ASIC2: variants seen among roughly 807,000 people sequenced by gnomAD.
The protein encoded by ASIC2 is acid-sensing ion channel 2.
ASIC2 carries 25 observed loss-of-function variants against 57.3 expected under a neutral mutation model. The observed-to-expected ratio is 0.44, with a 90% CI of 0.32 to 0.61. The LOEUF is 0.61. Among genes scored for constraint, ASIC2 ranks in the 20% least tolerant of loss-of-function variants. ASIC2 has a pLI of 0.06. For synonymous variants in ASIC2, 319 were observed against 307.5 expected, an observed-to-expected ratio of 1.04 and a Z score of -0.39; for missense variants, 641 against 738.1, an observed-to-expected ratio of 0.87 and a Z score of 1.52.
At chr17:33,880,057 T>C (rs1051583279) in intron 1 of ASIC2, among the ~76,000 whole-genome samples, 27 of 152,112 alleles carry the variant, frequency 1.8e-4, no homozygotes, top group African/African-American at 5.8e-4. Flanking sequence ...TTGAAACCAA[T>C]GAGAACAAAG....
chr17:33,699,169 C>T (rs559519645), intron 1 of ASIC2, among the ~76,000 whole-genome samples: 1 of 152,176 alleles, frequency 6.6e-6, no homozygotes, highest in Non-Finnish European at 1.5e-5. Context: ...CACTGGTTCT[C>T]TCCTCACAAG....
In ASIC2 at chr17:33,135,138, T is replaced by G. The variant is rs183236973; in HGVS notation, c.709-23071A>C. Among the ~76,000 whole-genome samples the G allele has an allele frequency of 1.2e-4, 18 of 152,242 alleles. No homozygotes were observed. The East Asian group carries it at 3.3e-3, about 28-fold the overall frequency. ...TTTCTGACTTCCAGGATGAAGTTCA[T>G]TCCGCTTAGCCCTGCTGCCCTCATG... On this transcript the variant is annotated intron_variant, in intron 1 of 9. Transcript: ENST00000225823.
chr17:34,095,670 T>C (rs374527732), intron 1 of ASIC2, among the ~76,000 whole-genome samples: 1 of 92,798 alleles, frequency 1.1e-5, no homozygotes, highest in East Asian at 2.5e-4. Context: ...TATATATATA[T>C]AGAGAGAGAG....
intron 3 of ASIC2, among the ~76,000 whole-genome samples, chr17:33,067,468 G>T (rs897077696): frequency 2.6e-5 from 4 of 152,154 alleles, no homozygotes; most frequent in African/African-American, 9.7e-5. Flanking sequence ...TAAAAGGGCA[G>T]GCAAGGTTCA....
At chr17:33,434,849 T>C (rs1911552642) in intron 1 of ASIC2, among the ~76,000 whole-genome samples, 1 of 152,230 alleles carries the variant, frequency 6.6e-6, no homozygotes, top group Admixed American at 6.5e-5. Context: ...AATGTAGATA[T>C]AATACAACTA....
intron 1 of ASIC2, chr17:33,541,199 T>C (rs1915398843): frequency 6.6e-6 from 1 of 152,186 alleles, no homozygotes; most frequent in South Asian, 2.1e-4. Context: ...CCAACATTGT[T>C]AGAGCTTGTA....
chr17:34,076,984 G>A (rs184508388), intron 1 of ASIC2, among the ~76,000 whole-genome samples: 30 of 152,266 alleles, frequency 2.0e-4, no homozygotes, highest in African/African-American at 6.5e-4. Flanking sequence ...CATTTCTCAC[G>A]GGCTGTCTCA....
chr17:33,328,171 T>G (rs1276155772), intron 1 of ASIC2, among the ~76,000 whole-genome samples: 2 of 152,116 alleles, frequency 1.3e-5, no homozygotes, highest in Admixed American at 1.3e-4. Flanking sequence ...AAATAAGTGC[T>G]GATGGTGACT....
intron 1 of ASIC2, among the ~76,000 whole-genome samples, chr17:33,797,390 C>G (rs576665383): frequency 6.6e-6 from 1 of 152,206 alleles, no homozygotes; most frequent in Admixed American, 6.5e-5. Context: ...CTTGGCGGCA[C>G]TGTGAGAATG....
chr17:33,210,460 T>C (rs2142087204), intron 1 of ASIC2, among the ~76,000 whole-genome samples: 2 of 152,330 alleles, frequency 1.3e-5, no homozygotes, highest in East Asian at 3.9e-4. Flanking sequence ...ACTCTCCATC[T>C]GCACTCTCAT....
intron 1 of ASIC2, among the ~76,000 whole-genome samples, chr17:33,821,464 T>C (rs748914169): frequency 5.9e-5 from 9 of 152,190 alleles, no homozygotes; most frequent in Non-Finnish European, 1.2e-4. Context: ...TCAGACTTTC[T>C]GGGCTGCAGT....
At chr17:33,463,510 G>GA (rs763205782) in intron 1 of ASIC2, among the ~76,000 whole-genome samples, 1 of 152,190 alleles carries the variant, frequency 6.6e-6, no homozygotes, top group Non-Finnish European at 1.5e-5. Context: ...CAGTGAATTA[G>GA]AAGGCAGTTG....
At chr17:33,439,033 G>C (rs1421006629) in intron 1 of ASIC2, among the ~76,000 whole-genome samples, 1 of 152,088 alleles carries the variant, frequency 6.6e-6, no homozygotes, top group African/African-American at 2.4e-5. Flanking sequence ...TAGTAGAGAA[G>C]AGGTCTCGCT....
intron 1 of ASIC2, among the ~76,000 whole-genome samples, chr17:33,366,783 C>A (rs893989658): frequency 6.6e-6 from 1 of 152,112 alleles, no homozygotes; most frequent in African/African-American, 2.4e-5. Context: ...GAACTATAAC[C>A]ATCTAAGTCC....
chr17:33,499,725 A>C (rs1914044680), intron 1 of ASIC2, among the ~76,000 whole-genome samples: 1 of 152,264 alleles, frequency 6.6e-6, no homozygotes, highest in South Asian at 2.1e-4. Flanking sequence ...AACCAGAGTG[A>C]CACGTAACTT....
At chr17:33,930,213 C>G (rs12452988) in intron 1 of ASIC2, among the ~76,000 whole-genome samples, 1 of 152,058 alleles carries the variant, frequency 6.6e-6, no homozygotes, top group Admixed American at 6.5e-5. Flanking sequence ...CTATCACTTA[C>G]GGGTTTCCCC....
At chr17:33,951,701 G>T (rs1369359728) in intron 1 of ASIC2, among the ~76,000 whole-genome samples, 1 of 151,284 alleles carries the variant, frequency 6.6e-6, no homozygotes, top group Non-Finnish European at 1.5e-5. Context: ...TCCTGCCTCA[G>T]CCTCCAGAGT....
In ASIC2 at chr17:33,706,204, C is replaced by CATAT. The variant is rs3030213; in HGVS notation, c.555+449770_555+449773dup. ...TGTGTATGACTATACATATATGATT[C>CATAT]ATATATATATATATATATATATATA... is the stretch of plus-strand genomic sequence containing the variant. On this transcript the variant is annotated intron_variant, in intron 1 of 9. Coordinates refer to the ASIC2 transcript ENST00000359872. 3.1e-3 allele frequency among the ~76,000 whole-genome samples: 439 copies of CATAT among 140,770 alleles called. 1 individual carries two copies. Among genetic ancestry groups the CATAT allele is most frequent in the East Asian group, 0.014 (68 of 4,760 alleles). 92.4% of individuals were successfully genotyped at this position (140,770 alleles called of 152,430 possible).
chr17:33,159,957 C>T (rs1194957587), intron 1 of ASIC2, among the ~76,000 whole-genome samples: 1 of 152,070 alleles, frequency 6.6e-6, no homozygotes, highest in Non-Finnish European at 1.5e-5. Context: ...GCCTGTAATC[C>T]CAGCACTTTG....
Sources: allele counts gnomAD v4.1 joint callset (sites outside exome capture counted in the v4.1 genomes callset), GRCh38; gene constraint gnomAD v4.1.1; transcripts MANE v1.5; gene names NCBI Gene and HGNC (gene_info 2026-07-23, HGNC 2026-07-21).